TIPIN: variants seen among roughly 807,000 people sequenced by gnomAD.
TIPIN encodes TIMELESS-interacting protein.
A neutral mutation model predicts 35.6 loss-of-function variants in TIPIN; 29 were observed. The ratio of observed to expected loss-of-function variants is 0.82; its 90% CI spans 0.61 to 1.11. The LOEUF (loss-of-function observed/expected upper bound fraction) is 1.11. TIPIN is among the 50% of genes most tolerant of loss of function. The probability of loss-of-function intolerance (pLI) is 0.00; values close to 1 mark genes in which losing one functional copy is unlikely to be tolerated. For missense variants in TIPIN, 296 were observed against 345.4 expected (o/e 0.86, Z 1.13); for synonymous variants, 102 against 121.5 (o/e 0.84, Z 1.06).
intron 1 of TIPIN, among the ~76,000 whole-genome samples, chr15:66,378,078 C>T (rs1320055435): frequency 3.9e-5 from 6 of 152,054 alleles, no homozygotes; most frequent in Non-Finnish European, 8.8e-5. Flanking sequence ...TGATAGCTCA[C>T]CACAACCTCT....
chr15:66,354,814 A>C (rs1475750494), intron 1 of TIPIN, among the ~76,000 whole-genome samples: 1 of 152,124 alleles, frequency 6.6e-6, no homozygotes, highest in Non-Finnish European at 1.5e-5. Flanking sequence ...GTTTACCTCA[A>C]TTTCTCTAAA....
At chr15:66,351,898 C>T (rs371378404) in intron 3 of TIPIN, among the ~76,000 whole-genome samples, 7 of 151,536 alleles carry the variant, frequency 4.6e-5, no homozygotes, top group Admixed American at 2.0e-4. Flanking sequence ...GTAGGCCTCC[C>T]AAAGAGCTGG....
At chr15:66,371,518 C>CTTTT in intron 1 of TIPIN, 2 of 321,508 alleles carry the variant, frequency 6.2e-6, no homozygotes, top group Non-Finnish European at 8.8e-6. Context: ...GTAATTGTTT[C>CTTTT]TTTTTTTTTT....
At chr15:66,367,186 A>AC (rs2093258237) in intron 1 of TIPIN, among the ~76,000 whole-genome samples, 1 of 145,624 alleles carries the variant, frequency 6.9e-6, no homozygotes, top group Non-Finnish European at 1.5e-5. Context: ...TCTCAAAAAA[A>AC]AATCTATATC....
At chr15:66,363,379 C>T (rs1055199500) in intron 1 of TIPIN, among the ~76,000 whole-genome samples, 4 of 151,576 alleles carry the variant, frequency 2.6e-5, no homozygotes, top group African/African-American at 9.7e-5. Context: ...CACGGTGGCT[C>T]ACATCTATGA....
chr15:66,354,782 C>T (rs1337804925), intron 1 of TIPIN, among the ~76,000 whole-genome samples: 1 of 152,190 alleles, frequency 6.6e-6, no homozygotes, highest in Non-Finnish European at 1.5e-5. Flanking sequence ...TCTTCCAGAT[C>T]TCAACTATCA....
intron 1 of TIPIN, among the ~76,000 whole-genome samples, chr15:66,369,148 G>A (rs1359691909): frequency 3.3e-5 from 5 of 152,120 alleles, no homozygotes; most frequent in African/African-American, 9.7e-5. Flanking sequence ...AAAGCATAGA[G>A]GGGAGCAAGG....
intron 1 of TIPIN, among the ~76,000 whole-genome samples, chr15:66,383,237 T>G (rs2093324371): frequency 6.6e-6 from 1 of 152,080 alleles, no homozygotes; most frequent in South Asian, 2.1e-4. Context: ...ATAGACTGCC[T>G]TGATAATAGA....
chr15:66,371,426 A>G (rs1360605907), intron 1 of TIPIN: 8 of 969,806 alleles, frequency 8.2e-6, no homozygotes, highest in Admixed American at 6.2e-5. Flanking sequence ...GAGGACAAAT[A>G]AAAATATATT....
chr15:66,361,657 G>A (rs573556354), upstream of TIPIN, among the ~76,000 whole-genome samples: 8 of 151,770 alleles, frequency 5.3e-5, no homozygotes, highest in African/African-American at 1.2e-4. Context: ...CCATTTCACC[G>A]GAGATATAAA....
chr15:66,350,587 A>G (rs1195003747), intron 4 of TIPIN, among the ~76,000 whole-genome samples: 3 of 151,190 alleles, frequency 2.0e-5, no homozygotes, highest in Non-Finnish European at 2.9e-5. Flanking sequence ...CCTGGGTGAC[A>G]AGGGCAAAAC....
At chr15:66,359,438 T>C (rs750081064), upstream of TIPIN, among the ~76,000 whole-genome samples, 12 of 152,210 alleles carry the variant, frequency 7.9e-5, no homozygotes, top group Non-Finnish European at 1.5e-4. Context: ...CTCAATCTCC[T>C]GGGTTCAAGA....
In TIPIN at chr15:66,383,106, T is replaced by C. The variant is rs2093323848; in HGVS notation, c.-9+3501A>G. Reference sequence around the variant, plus strand: ...TGCATAGAATCATAATATTTCAATATTAAAAAGAATGCTGCATTTTACACA... The same window carrying C: ...TGCATAGAATCATAATATTTCAATACTAAAAAGAATGCTGCATTTTACACA... On this transcript the variant is annotated intron_variant, in intron 1 of 7. Coordinates refer to the TIPIN transcript ENST00000562124. 4 of 507,238 alleles carry C rather than the reference T, an allele frequency of 7.9e-6. No homozygotes were observed. In the South Asian group the frequency reaches 3.4e-4, roughly 43 times the overall value. 31.4% of individuals were successfully genotyped at this position (507,238 alleles called of 1,614,324 possible).
upstream of TIPIN, among the ~76,000 whole-genome samples, chr15:66,359,174 GACACACACAC>G (rs144363122): frequency 7.4e-6 from 1 of 134,814 alleles, no homozygotes; most frequent in Non-Finnish European, 1.7e-5. Context: ...CACACACACA[GACACACACAC>G]ACACACACAC....
rs1197808195 is a variant in TIPIN, at chr15:66,341,558, G to GTTTAAA, written c.476-203_476-202insTTTAAA. ...CCGAGGCGGGCGGATCACGAGGTCAGGAGATCGAGACCATCCCGGCTAACA... is the reference window on the plus strand; with the variant it reads ...CCGAGGCGGGCGGATCACGAGGTCAGTTTAAAGAGATCGAGACCATCCCGGCTAACA... On this transcript the variant is annotated intron_variant, in intron 6 of 7. Transcript: ENST00000261881. Among the ~76,000 whole-genome samples the GTTTAAA allele has an allele frequency of 0.051, 15 of 292 alleles. 4 individuals are homozygous for GTTTAAA. The Non-Finnish European group carries it at 1, about 19-fold the overall frequency. 0.2% of individuals were successfully genotyped at this position (292 alleles called of 152,430 possible).
chr15:66,340,170 C>CTTTTTTTTTTTTTTTTTTTTTTTT lies in TIPIN; in HGVS notation c.682+979_682+980insAAAAAAAAAAAAAAAAAAAAAAAA, dbSNP rs1566970488. On this transcript the variant is annotated intron_variant, in intron 7 of 7. Transcript: ENST00000261881. ...TACAGGCGTGAGCCACTGCGCCTGGCCTTTTTTTTTTTTTTTTTTTTTTTG... is the reference window on the plus strand; with the variant it reads ...TACAGGCGTGAGCCACTGCGCCTGGCTTTTTTTTTTTTTTTTTTTTTTTTCTTTTTTTTTTTTTTTTTTTTTTTG... 1.8e-5 allele frequency among the ~76,000 whole-genome samples: 2 copies of CTTTTTTTTTTTTTTTTTTTTTTTT among 113,886 alleles called. 1 individual carries two copies. The highest frequency in any genetic ancestry group is 7.2e-5 in the African/African-American group (2 of 27,730). 74.7% of individuals were successfully genotyped at this position (113,886 alleles called of 152,430 possible).
At chr15:66,355,567 G>A (rs1024490183) in intron 1 of TIPIN, among the ~76,000 whole-genome samples, 65 of 151,626 alleles carry the variant, frequency 4.3e-4, no homozygotes, top group African/African-American at 1.5e-3. Flanking sequence ...GGCCAACACA[G>A]TGAAACCCCA....
At chr15:66,344,895 T>C (rs1402603127) in intron 6 of TIPIN, among the ~76,000 whole-genome samples, 1 of 151,984 alleles carries the variant, frequency 6.6e-6, no homozygotes, top group Non-Finnish European at 1.5e-5. Flanking sequence ...AAAAATGAAA[T>C]TTTAAAAAAT....
chr15:66,376,543 C>T (rs898659198), intron 1 of TIPIN, among the ~76,000 whole-genome samples: 1 of 151,862 alleles, frequency 6.6e-6, no homozygotes, highest in Non-Finnish European at 1.5e-5. Context: ...ATTCTCCTGC[C>T]TCAGCCTCCT....
Sources: gnomAD v4.1 joint callset for allele counts (sites outside exome capture counted in the v4.1 genomes callset) on GRCh38, gnomAD v4.1.1 for gene constraint, MANE v1.5 for transcripts, NCBI Gene and HGNC (gene_info 2026-07-23, HGNC 2026-07-21) for gene names.